TMC5: variants seen among roughly 807,000 people sequenced by gnomAD.
TMC5 encodes the protein transmembrane channel like 5.
Under a neutral mutation model 110.5 loss-of-function variants are expected in TMC5, and 86 were observed. The ratio of observed to expected loss-of-function variants is 0.78; its 90% confidence interval spans 0.65 to 0.93. The LOEUF is 0.93. Among genes scored for constraint, TMC5 ranks in the 40% least tolerant of loss-of-function variants. The pLI, the probability that TMC5 is intolerant of heterozygous loss-of-function variation, is 0.00. For synonymous variants in TMC5, 455 were observed against 439.5 expected, an observed-to-expected ratio of 1.04 and a Z score of -0.44; for missense variants, 1,144 against 1,222.8, an observed-to-expected ratio of 0.94 and a Z score of 0.96.
At chr16:19,466,350 CTCTCT>C (rs1968189476) in intron 9 of TMC5, 117 bp downstream of exon 9, 1 of 1,056,682 alleles carries the variant, frequency 9.5e-7, no homozygotes, top group Non-Finnish European at 1.4e-6. Flanking sequence ...CTCTCCTCTC[CTCTCT>C]TTTCTTTTCT....
intron 20 of TMC5, among the ~76,000 whole-genome samples, chr16:19,496,268 C>T (rs1169034041): frequency 3.3e-5 from 5 of 152,072 alleles, no homozygotes; most frequent in Admixed American, 6.6e-5. Context: ...AAGATTTAAT[C>T]AATTTCATTC....
chr16:19,444,307 T>G (rs1967563813), intron 4 of TMC5, 57 bp downstream of exon 4: 2 of 1,528,930 alleles, frequency 1.3e-6, no homozygotes, highest in Admixed American at 3.5e-5. Context: ...TCACTGGATT[T>G]AGGGGTGCAA....
Position 19,497,949 on chromosome 16 carries a change from G to C in TMC5, c.3004G>C (p.Gly1002Arg), listed in dbSNP as rs1468772086. Residue 1002 changes from glycine to arginine, a missense_variant, in exon 22 of 22, where the codon GGT becomes CGT. Coordinates refer to ENST00000542583, the MANE Select transcript of TMC5 (RefSeq NM_001261841.2). ...GCGATCTAGAAGATCAGTTCAAGAA[G>C]GTAATCCAAGGGCCTGATGACTCTT... The part of the protein sequence containing the change: ...DLRSRRSVQE[G>R]NPRA The C allele has an allele frequency of 6.2e-7, 1 of 1,614,088 alleles. No homozygotes were observed. Among genetic ancestry groups the C allele is most frequent in the South Asian group, 1.1e-5 (1 of 91,076 alleles).
chr16:19,492,915 G>GATAGATAGATATAT lies in TMC5; in HGVS notation c.2826+690_2826+691insGATAGATATATATA, dbSNP rs58561457. On this transcript the variant is annotated intron_variant, in intron 19 of 21. Transcript: ENST00000542583. Reference sequence around the variant, plus strand: ...ATTATTTTTTATTTATTAAAACTTAGATATATATATATATATATCTCTCTA... The same window carrying GATAGATAGATATAT: ...ATTATTTTTTATTTATTAAAACTTAGATAGATAGATATATATATATATATATATATATCTCTCTA... Among the ~76,000 whole-genome samples, 69 of 42,786 alleles carry GATAGATAGATATAT rather than the reference G, an allele frequency of 1.6e-3. 1 individual carries two copies. Among genetic ancestry groups the GATAGATAGATATAT allele is most frequent in the African/African-American group, 3.3e-3 (62 of 18,648 alleles). 28.1% of individuals were successfully genotyped at this position (42,786 alleles called of 152,430 possible).
In TMC5 at chr16:19,440,512, C is replaced by T. The variant is rs773782164; in HGVS notation, c.474C>T (p.Ser158=). ...GAACACATCCAGATCATTTTGGCTC[C>T]TTAGAACCGGACTACCCTGGAGCTC... ...GSRTHPDHFG[S]LEPDYPGAQS... is the part of the protein sequence containing the mutation. The change falls in exon 3 of 22, where the codon TCC becomes TCT. Residue 158 remains serine (S), a synonymous_variant. Transcript: ENST00000542583. 6.2e-7 allele frequency: 1 copy of T among 1,614,168 alleles called. No homozygotes were observed. The highest frequency in any genetic ancestry group is 1.1e-5 in the South Asian group (1 of 91,084).
intron 5 of TMC5, among the ~76,000 whole-genome samples, chr16:19,456,107 T>C: frequency 6.6e-6 from 1 of 151,834 alleles, no homozygotes; most frequent in East Asian, 1.9e-4. Context: ...CTTGGGAGGC[T>C]GAGGCAGGAG....
chr16:19,494,166 A>C, intron 19 of TMC5, 96 bp from the exon 20 acceptor site: 50 of 967,276 alleles, frequency 5.2e-5, no homozygotes, highest in Non-Finnish European at 7.3e-5. Context: ...TAGCTGCCTG[A>C]AAACCGACGT....
intron 18 of TMC5, among the ~76,000 whole-genome samples, chr16:19,491,118 C>T (rs1968894596): frequency 6.6e-6 from 1 of 152,068 alleles, no homozygotes; most frequent in Non-Finnish European, 1.5e-5. Context: ...TCAAGCCATC[C>T]TCCCACCTCA....
At chr16:19,450,167 T>C (rs1473829396) in intron 5 of TMC5, among the ~76,000 whole-genome samples, 1 of 152,220 alleles carries the variant, frequency 6.6e-6, no homozygotes, top group Non-Finnish European at 1.5e-5. Flanking sequence ...TAGTTTGTTG[T>C]CTTCTGGGGA....
chr16:19,497,561 G>T (rs1969088311), intron 21 of TMC5, among the ~76,000 whole-genome samples: 1 of 152,186 alleles, frequency 6.6e-6, no homozygotes, highest in African/African-American at 2.4e-5. Flanking sequence ...TGTTGTGGGT[G>T]CAAAAATGTG....
intron 4 of TMC5, among the ~76,000 whole-genome samples, chr16:19,449,243 C>T (rs891074168): frequency 2.0e-5 from 3 of 152,114 alleles, no homozygotes; most frequent in Non-Finnish European, 2.9e-5. Context: ...ACCATGGCTT[C>T]CCAAAGCACT....
intron 5 of TMC5, 30 bp downstream of exon 5, chr16:19,449,661 C>T (rs1247278850): frequency 1.9e-6 from 3 of 1,579,084 alleles, no homozygotes; most frequent in Non-Finnish European, 2.6e-6. Context: ...TCTGTGTCCC[C>T]ACCCAACTCT....
intron 1 of TMC5, chr16:19,411,471 T>C (rs1171856167): frequency 1.3e-5 from 2 of 152,162 alleles, no homozygotes; most frequent in African/African-American, 4.8e-5. Context: ...TTTCAGACAG[T>C]TAAGTAACTT....
chr16:19,446,483 G>T (rs1222140968), intron 4 of TMC5, among the ~76,000 whole-genome samples: 2 of 152,232 alleles, frequency 1.3e-5, no homozygotes, highest in Non-Finnish European at 2.9e-5. Context: ...AGCAAATCTT[G>T]AGTGTTTCCT....
Position 19,469,750 on chromosome 16 carries a change from C to T in TMC5, c.1707C>T (p.Ile569=). Residue 569 remains isoleucine (I), a synonymous_variant, in exon 10 of 22, where the codon ATC becomes ATT. Coordinates refer to ENST00000542583, the MANE Select transcript of TMC5 (RefSeq NM_001261841.2). ...ACTCCGGAGGGATCACCAAGCTGAT[C>T]TTTTGCTGGGACTTCACTGTCACTC... ...HIYSGGITKL[I]FCWDFTVTHE... 1 of 1,614,190 alleles carries T rather than the reference C, an allele frequency of 6.2e-7. No homozygotes were observed. Among genetic ancestry groups the T allele is most frequent in the Non-Finnish European group, 8.5e-7 (1 of 1,180,004 alleles).
Position 19,474,141 on chromosome 16 carries a change from G to C in TMC5, c.1955G>C (p.Ser652Thr), listed in dbSNP as rs950877471. 1 of 1,613,714 alleles carries C rather than the reference G, an allele frequency of 6.2e-7. No individual in the cohort carries two copies. The highest frequency in any genetic ancestry group is 1.3e-5 in the African/African-American group (1 of 74,900). Residue 652 changes from serine (S) to threonine (T), a missense_variant, in exon 12 of 22, where the codon AGT becomes ACT. By Grantham distance (58) the Ser-to-Thr change is moderately conservative. Transcript: ENST00000542583. The part of the protein sequence containing the change: ...EYNLEFLKTH[S>T]NPGAVLLLPF... ...CCCCTGCAGTTCCTGAAGACACACA[G>C]TAACCCTGGGGCGGTGCTGTTACTG...
intron 19 of TMC5, among the ~76,000 whole-genome samples, chr16:19,492,915 G>GATAGATAGATAT (rs58561457): frequency 1.4e-4 from 6 of 42,752 alleles, no homozygotes; most frequent in African/African-American, 3.2e-4. Context: ...TTAAAACTTA[G>GATAGATAGATAT]ATATATATAT....
intron 5 of TMC5, among the ~76,000 whole-genome samples, chr16:19,451,867 C>T (rs149441918): frequency 0.015 from 2,309 of 152,312 alleles, 65 homozygotes; most frequent in African/African-American, 0.052. Context: ...GGCACCATCT[C>T]AGCTCACTGC....
At chr16:19,419,541 TAGCTGGGACTACG>T (rs1966936604) in intron 1 of TMC5, among the ~76,000 whole-genome samples, 2 of 149,472 alleles carry the variant, frequency 1.3e-5, no homozygotes, top group Admixed American at 6.8e-5. Context: ...GCCTCCGGAG[TAGCTGGGACTACG>T]GGCGCCTGCC....
Sources: gnomAD v4.1 joint callset for allele counts (sites outside exome capture counted in the v4.1 genomes callset) on GRCh38, gnomAD v4.1.1 for gene constraint, MANE v1.5 for transcripts, NCBI Gene and HGNC (gene_info 2026-07-23, HGNC 2026-07-21) for gene names.